CERS3: variants seen among roughly 807,000 people sequenced by gnomAD.
CERS3 encodes LAG1 homolog, ceramide synthase 3.
CERS3 carries 33 observed loss-of-function variants against 50.3 expected under a neutral mutation model. That is an observed-to-expected ratio of 0.66 (90% CI 0.50 to 0.88). The LOEUF is 0.88. Among genes scored for constraint, CERS3 ranks in the 40% least tolerant of loss-of-function variants. CERS3 has a pLI of 0.00. For missense variants in CERS3, 470 were observed against 460.3 expected (o/e 1.02, Z -0.19); for synonymous variants, 176 against 155.2 (o/e 1.13, Z -0.99).
intron 11 of CERS3, among the ~76,000 whole-genome samples, chr15:100,426,574 C>T (rs75290273): frequency 0.012 from 1,871 of 152,158 alleles, 49 homozygotes; most frequent in African/African-American, 0.043. Context: ...TCTGGGTTCT[C>T]GTAGGTGATC....
chr15:100,521,453 T>C (rs1340305633), intron 2 of CERS3, among the ~76,000 whole-genome samples: 3 of 152,166 alleles, frequency 2.0e-5, no homozygotes, highest in African/African-American at 7.2e-5. Flanking sequence ...CACATGAAGC[T>C]TTCTCCTGCA....
intron 1 of CERS3, among the ~76,000 whole-genome samples, chr15:100,542,195 C>A (rs77031659): frequency 6.6e-6 from 1 of 152,100 alleles, no homozygotes; most frequent in Non-Finnish European, 1.5e-5. Context: ...AATAATGAAA[C>A]CCCTTCAGCC....
intron 3 of CERS3, among the ~76,000 whole-genome samples, chr15:100,498,524 G>C (rs1437824290): frequency 6.6e-6 from 1 of 152,100 alleles, no homozygotes; most frequent in Non-Finnish European, 1.5e-5. Flanking sequence ...AAAAAAGAAT[G>C]AACATCTGCT....
Position 100,501,715 on chromosome 15 carries a change from A to C in CERS3, c.135T>G (p.Tyr45Ter). The C allele has an allele frequency of 6.2e-7, 1 of 1,613,980 alleles. No homozygotes were observed. Among genetic ancestry groups the C allele is most frequent in the African/African-American group, 1.3e-5 (1 of 75,058 alleles). The change falls in exon 3 of 12, where the codon TAT becomes TAG. Residue 45 changes from tyrosine (Y) to a stop codon, truncating the protein, a stop_gained. Transcript: ENST00000679737. LOFTEE classifies it high-confidence loss of function. ...GTCTGATAATCAGCAAGAGAAAAGC[A>C]TATGGAATTGTCACGTATAAATGAG... Reference protein sequence around the residue: ...KPSHLYVTIPYAFLLLIIRRV... With the variant: ...KPSHLYVTIP
At chr15:100,416,980 A>G (rs1428376507) in intron 11 of CERS3, among the ~76,000 whole-genome samples, 1 of 152,222 alleles carries the variant, frequency 6.6e-6, no homozygotes, top group Non-Finnish European at 1.5e-5. Context: ...AAAATATTCA[A>G]AATCACTAAT....
Position 100,469,421 on chromosome 15 carries a change from A to T in CERS3, c.802T>A (p.Ser268Thr), listed in dbSNP as rs752795618. ...QTCNTLFFIF[S>T]TIFFISRLIV... Reference sequence around the variant, plus strand: ...AGGCGGCTGATGAAAAATATGGTGGAGAAGATGAAAAACAGGGTGTTACAG... The same window carrying T: ...AGGCGGCTGATGAAAAATATGGTGGTGAAGATGAAAAACAGGGTGTTACAG... The change falls in exon 10 of 12, where the codon TCC becomes ACC. Residue 268 changes from serine to threonine, a missense_variant. By Grantham distance (58) the Ser-to-Thr change is moderately conservative (BLOSUM62 1). Transcript: ENST00000679737. 7 of 1,613,972 alleles carry T rather than the reference A, an allele frequency of 4.3e-6. No individual in the cohort carries two copies. Among genetic ancestry groups the T allele is most frequent in the Non-Finnish European group, 5.1e-6 (6 of 1,179,944 alleles).
upstream of CERS3, among the ~76,000 whole-genome samples, chr15:100,533,186 G>A (rs769404934): frequency 5.3e-5 from 8 of 152,174 alleles, no homozygotes; most frequent in Non-Finnish European, 1.2e-4. Context: ...AGACTCACCT[G>A]GGGGCCTCCC....
chr15:100,434,988 A>G (rs1254865909), intron 11 of CERS3, among the ~76,000 whole-genome samples: 2 of 152,200 alleles, frequency 1.3e-5, no homozygotes, highest in African/African-American at 4.8e-5. Context: ...AACTTCAGCA[A>G]GACATGGTCT....
chr15:100,541,053 T>G (rs1313560520), intron 1 of CERS3, among the ~76,000 whole-genome samples: 3 of 152,138 alleles, frequency 2.0e-5, no homozygotes, highest in Non-Finnish European at 4.4e-5. Flanking sequence ...AGTCTGTAGC[T>G]TTGGTTAGAA....
chr15:100,458,907 G>A (rs2034462881), intron 10 of CERS3, among the ~76,000 whole-genome samples: 1 of 152,130 alleles, frequency 6.6e-6, no homozygotes, highest in African/African-American at 2.4e-5. Context: ...CATATCAAGA[G>A]TTAGCAAACT....
In CERS3 at chr15:100,452,986, G is replaced by T. The variant is rs377228118; in HGVS notation, c.999+2907C>A. Among the ~76,000 whole-genome samples the T allele has an allele frequency of 9.2e-5, 14 of 151,982 alleles. No homozygotes were observed. In the South Asian group the frequency reaches 2.7e-3, roughly 29 times the overall value. ...CCTGAACAGACCAATAAAAAGTAAAGAGATTGGATCAGTAATAAAAAGTCT... is the reference window on the plus strand; with the variant it reads ...CCTGAACAGACCAATAAAAAGTAAATAGATTGGATCAGTAATAAAAAGTCT... On this transcript the variant is annotated intron_variant, in intron 11 of 11. Transcript: ENST00000679737.
chr15:100,542,122 C>A (rs1276834317), intron 1 of CERS3, among the ~76,000 whole-genome samples: 1 of 152,058 alleles, frequency 6.6e-6, no homozygotes, highest in Admixed American at 6.5e-5. Flanking sequence ...AGTGCTTCAA[C>A]CTTTGCTCAA....
At chr15:100,523,125 T>C (rs1293644756) in intron 1 of CERS3, among the ~76,000 whole-genome samples, 1 of 152,228 alleles carries the variant, frequency 6.6e-6, no homozygotes, top group Non-Finnish European at 1.5e-5. Flanking sequence ...GAATATGTTT[T>C]TCTGTGAAGT....
chr15:100,497,306 A>ATGTATG (rs1555531979), intron 3 of CERS3, among the ~76,000 whole-genome samples: 1 of 145,864 alleles, frequency 6.9e-6, no homozygotes, highest in Admixed American at 6.8e-5. Context: ...GCATATATGT[A>ATGTATG]TGTGTGTGTG....
intron 11 of CERS3, among the ~76,000 whole-genome samples, chr15:100,446,789 T>C (rs531537344): frequency 1.3e-5 from 2 of 152,262 alleles, no homozygotes; most frequent in African/African-American, 4.8e-5. Context: ...GACATTCCAA[T>C]GTAAACCTGA....
At chr15:100,433,260 T>C (rs1596651293) in intron 11 of CERS3, among the ~76,000 whole-genome samples, 1 of 151,308 alleles carries the variant, frequency 6.6e-6, no homozygotes, top group African/African-American at 2.4e-5. Context: ...AAAATTCAAT[T>C]CAAGTACCTA....
intron 4 of CERS3, among the ~76,000 whole-genome samples, chr15:100,487,043 A>G (rs2035507613): frequency 6.6e-6 from 1 of 152,192 alleles, no homozygotes; most frequent in South Asian, 2.1e-4. Context: ...TACTGGCCTC[A>G]TGCACTATGA....
upstream of CERS3, among the ~76,000 whole-genome samples, chr15:100,533,553 CCTCT>C (rs1247645812): frequency 5.8e-5 from 8 of 138,348 alleles, no homozygotes; most frequent in Admixed American, 3.9e-4. Context: ...TCCTTCCTTC[CCTCT>C]CTCTCTTTTT....
intron 2 of CERS3, among the ~76,000 whole-genome samples, chr15:100,518,785 T>A (rs1243640754): frequency 6.6e-6 from 1 of 152,242 alleles, no homozygotes; most frequent in Non-Finnish European, 1.5e-5. Context: ...GATTCTGCTC[T>A]ATTGATCTTC....
Sources: allele counts gnomAD v4.1 joint callset (sites outside exome capture counted in the v4.1 genomes callset), GRCh38; gene constraint gnomAD v4.1.1; transcripts MANE v1.5; gene names NCBI Gene and HGNC (gene_info 2026-07-23, HGNC 2026-07-21).